Variants in FAHD2B observed in about 807,000 individuals in gnomAD.
FAHD2B encodes the protein fumarylacetoacetate hydrolase domain containing 2B.
FAHD2B carries 26 observed loss-of-function variants against 33.7 expected under a neutral mutation model. That is an observed-to-expected ratio of 0.77 (90% CI 0.57 to 1.07). FAHD2B has a LOEUF of 1.07. FAHD2B is among the 50% of genes least tolerant of loss of function. The probability of loss-of-function intolerance (pLI) is 0.00; values close to 1 mark genes in which losing one functional copy is unlikely to be tolerated. For synonymous variants in FAHD2B, 108 were observed against 150.9 expected, an observed-to-expected ratio of 0.72 and a Z score of 2.08; for missense variants, 272 against 388.1, an observed-to-expected ratio of 0.70 and a Z score of 2.51.
intron 4 of FAHD2B, chr2:97,086,519 C>A: frequency 3.0e-6 from 1 of 338,976 alleles, no homozygotes; most frequent in Non-Finnish European, 5.6e-6. Context: ...GAAGTAATAT[C>A]CCCTAGCAAT....
intron 4 of FAHD2B, among the ~76,000 whole-genome samples, chr2:97,087,914 C>A (rs531687911): frequency 6.6e-6 from 1 of 151,772 alleles, no homozygotes; most frequent in Non-Finnish European, 1.5e-5. Flanking sequence ...AATTCTGGGA[C>A]CACTGACATG....
downstream of FAHD2B, chr2:97,082,528 C>T: frequency 1.2e-6 from 2 of 1,604,302 alleles, no homozygotes; most frequent in South Asian, 2.2e-5. Flanking sequence ...GCTGCTGCCC[C>T]CTGCCAGACA....
downstream of FAHD2B, chr2:97,081,855 C>T (rs2031655709): frequency 3.6e-6 from 2 of 550,856 alleles, 1 homozygote; most frequent in Admixed American, 6.3e-5. Context: ...GCAAGTTGGC[C>T]CAGCAGGTGC....
At chr2:97,082,599 A>G, downstream of FAHD2B, 1 of 1,571,560 alleles carries the variant, frequency 6.4e-7, no homozygotes. Flanking sequence ...GTCCAGTCTG[A>G]GTTCTATCCC....
downstream of FAHD2B, among the ~76,000 whole-genome samples, chr2:97,079,543 CAT>C (rs1157395562): frequency 1.2e-4 from 18 of 152,020 alleles, no homozygotes; most frequent in Admixed American, 1.2e-3. Context: ...AGCTTTTTTT[CAT>C]ATGATTGTTG....
downstream of FAHD2B, chr2:97,081,102 C>T (rs1033509604): frequency 7.3e-6 from 11 of 1,510,110 alleles, no homozygotes; most frequent in African/African-American, 9.8e-5. Flanking sequence ...CGCCCCCAGC[C>T]TGTGCAGTGC....
downstream of FAHD2B, chr2:97,081,465 C>G (rs2153381342): frequency 1.3e-6 from 2 of 1,580,922 alleles, no homozygotes; most frequent in African/African-American, 2.9e-5. Context: ...CTGCTACTGT[C>G]AGGAGGTGCT....
chr2:97,082,000 G>T, downstream of FAHD2B: 1 of 1,523,542 alleles, frequency 6.6e-7, no homozygotes, highest in Non-Finnish European at 9.0e-7. Context: ...GGTCCGGCCA[G>T]CCTGTGACAC....
At chr2:97,086,339 G>A (rs1276228943) in intron 4 of FAHD2B, 141 bp from the exon 5 acceptor site, 12 of 1,201,582 alleles carry the variant, frequency 1.0e-5, no homozygotes, top group Admixed American at 4.4e-5. Context: ...AGAGCCCAGT[G>A]AATGACAAGG....
chr2:97,087,566 G>A (rs1257171360), intron 4 of FAHD2B, among the ~76,000 whole-genome samples: 1 of 151,948 alleles, frequency 6.6e-6, no homozygotes, highest in African/African-American at 2.4e-5. Context: ...AGGTGTGGTG[G>A]TGCATCCCTG....
At chr2:97,083,162 G>C, downstream of FAHD2B, 1 of 1,591,602 alleles carries the variant, frequency 6.3e-7, no homozygotes, top group East Asian at 2.2e-5. Context: ...CAGACGCCGA[G>C]CCCTGCAGGC....
rs761665462 is a variant in FAHD2B at position 97,085,803 on chromosome 2, C to T, written c.581G>A (p.Arg194His). The T allele has an allele frequency of 1.2e-5, 19 of 1,613,668 alleles. No homozygotes were observed. Among genetic ancestry groups the T allele is most frequent in the South Asian group, 8.8e-5 (8 of 90,992 alleles). ...GFTVAHDVSA[R>H]DWLTRRNGKQ... ...CCCATTGCGTCTTGTTAGCCAGTCA[C>T]GAGCACTCACGTCATGAGCCACAGT... The change falls in exon 6 of 9, where the codon CGT becomes CAT. Residue 194 changes from arginine to histidine, a missense_variant. Coordinates refer to ENST00000414820, the MANE Select transcript of FAHD2B (RefSeq NM_001320848.2).
intron 6 of FAHD2B, 138 bp from the exon 7 acceptor site, chr2:97,084,415 C>T (rs1169881848): frequency 1.1e-5 from 10 of 950,384 alleles, no homozygotes; most frequent in Non-Finnish European, 1.4e-5. Context: ...ACTCAGTGCA[C>T]TATGTTAGAA....
rs768628477 is a variant in FAHD2B at position 97,083,996 on chromosome 2, C to A, written c.834G>T (p.Gly278=). 6.2e-7 allele frequency: 1 copy of A among 1,613,756 alleles called. No homozygotes were observed. Among genetic ancestry groups the A allele is most frequent in the South Asian group, 1.1e-5 (1 of 90,896 alleles). ...TGAATACACCGACACCTGGGGGGGTCCCAGTTAGGATGACATCCCCTGGGT... is the reference window on the plus strand; with the variant it reads ...TGAATACACCGACACCTGGGGGGGTACCAGTTAGGATGACATCCCCTGGGT... The part of the protein sequence containing the change: ...TFYPGDVILT[G]TPPGVGVFRK... The change falls in exon 8 of 9, where the codon GGG becomes GGT. Residue 278 remains glycine (G), a synonymous_variant. Transcript: ENST00000414820.
chr2:97,080,734 T>C (rs1456713570), downstream of FAHD2B, among the ~76,000 whole-genome samples: 3 of 152,094 alleles, frequency 2.0e-5, no homozygotes, highest in East Asian at 5.8e-4. Context: ...GGAATGTTTT[T>C]CCATTTGTAT....
downstream of FAHD2B, chr2:97,082,341 C>T (rs917226244): frequency 1.3e-5 from 21 of 1,605,634 alleles, no homozygotes; most frequent in African/African-American, 2.5e-4. Context: ...CCCTTGCAGT[C>T]CTCGAGGCAG....
chr2:97,089,270 C>T (rs958943198), intron 4 of FAHD2B, among the ~76,000 whole-genome samples: 3 of 151,876 alleles, frequency 2.0e-5, no homozygotes, highest in Non-Finnish European at 2.9e-5. Flanking sequence ...CCTGTAATCC[C>T]AGCACTTTGG....
downstream of FAHD2B, chr2:97,082,533 C>A (rs2031685267): frequency 2.5e-6 from 4 of 1,601,198 alleles, no homozygotes; most frequent in African/African-American, 1.3e-5. Context: ...TGCCCCCTGC[C>A]AGACAGTGAC....
chr2:97,088,395 CAT>C (rs1229079934), intron 4 of FAHD2B, among the ~76,000 whole-genome samples: 6 of 152,058 alleles, frequency 3.9e-5, no homozygotes, highest in Non-Finnish European at 8.8e-5. Flanking sequence ...GTGCTGTTCT[CAT>C]GATAGTGAAT....
Sources: gnomAD v4.1 joint callset for allele counts (sites outside exome capture counted in the v4.1 genomes callset) on GRCh38, gnomAD v4.1.1 for gene constraint, MANE v1.5 for transcripts, NCBI Gene and HGNC (gene_info 2026-07-23, HGNC 2026-07-21) for gene names.